CELF2: variants seen among roughly 807,000 people sequenced by gnomAD.
CELF2 encodes CUGBP Elav-like family member 2.
A neutral mutation model predicts 62.6 loss-of-function variants in CELF2; 8 were observed. That is an observed-to-expected ratio of 0.13 (90% CI 0.07 to 0.23). The LOEUF is 0.23. CELF2 is among the 10% of genes least tolerant of loss of function. The pLI, the probability that CELF2 is intolerant of heterozygous loss-of-function variation, is 1.00. For synonymous variants in CELF2, 258 were observed against 250.0 expected, an observed-to-expected ratio of 1.03 and a Z score of -0.30; for missense variants, 333 against 671.0, an observed-to-expected ratio of 0.50 and a Z score of 5.56.
At chr10:11,274,998 AATGAGGGAGTTACTTTG>A in intron 7 of CELF2, 42 bp from the exon 8 acceptor site, 1 of 1,493,998 alleles carries the variant, frequency 6.7e-7, no homozygotes, top group Non-Finnish European at 9.3e-7. Context: ...TCCCCAGTTT[AATGAGGGAGTTACTTTG>A]CTCTCACCGT....
At chr10:10,462,972 G>A in the CELF2 span, among the ~76,000 whole-genome samples, 107 of 152,080 alleles carry the variant, frequency 7.0e-4, 1 homozygote, top group African/African-American at 2.4e-3. Context: ...GTTTTAATAG[G>A]TACCTTGCAG....
chr10:10,973,809 C>A (rs1434929297), intron 2 of CELF2, among the ~76,000 whole-genome samples: 1 of 152,092 alleles, frequency 6.6e-6, no homozygotes, highest in Admixed American at 6.5e-5. Flanking sequence ...CCCCAACTAC[C>A]CTCCCCCTGC....
intron 10 of CELF2, chr10:11,317,722 GT>G (rs1457677064): frequency 6.6e-6 from 1 of 152,252 alleles, no homozygotes; most frequent in Non-Finnish European, 1.5e-5. Context: ...TCTGTGTCAT[GT>G]TAACAGATTC....
the CELF2 span, among the ~76,000 whole-genome samples, chr10:10,753,969 A>G: frequency 6.6e-6 from 1 of 151,788 alleles, no homozygotes; most frequent in South Asian, 2.1e-4. Context: ...CATTGATGCA[A>G]TTAGGTTCCT....
Position 11,164,679 on chromosome 10 carries a change from T to C in CELF2, c.75-807T>C, listed in dbSNP as rs1200706955. 1.2e-4 allele frequency among the ~76,000 whole-genome samples: 18 copies of C among 150,068 alleles called. 1 individual carries two copies. Among genetic ancestry groups the C allele is most frequent in the African/African-American group, 4.2e-4 (17 of 40,066 alleles). ...CTGGGGCTGCTTTTTTTTTTTTTTT[T>C]AACCCAGCACAAAGCAGGCAATTCT... On this transcript the variant is annotated intron_variant, in intron 1 of 12. Transcript: ENST00000633077.
the CELF2 span, among the ~76,000 whole-genome samples, chr10:10,720,385 A>G: frequency 6.6e-6 from 1 of 152,172 alleles, no homozygotes; most frequent in Non-Finnish European, 1.5e-5. Context: ...TCTCATTGCC[A>G]GCACCCCCTT....
the CELF2 span, among the ~76,000 whole-genome samples, chr10:10,671,696 A>G: frequency 6.6e-6 from 1 of 150,768 alleles, no homozygotes; most frequent in East Asian, 1.9e-4. Flanking sequence ...TGGTGTGGTG[A>G]ATCTTTTCAA....
chr10:10,555,358 G>C, the CELF2 span, among the ~76,000 whole-genome samples: 14 of 151,462 alleles, frequency 9.2e-5, no homozygotes, highest in Non-Finnish European at 1.6e-4. Flanking sequence ...TGTGATGGCT[G>C]TTCAGTCTCC....
At chr10:10,761,821 G>T in the CELF2 span, among the ~76,000 whole-genome samples, 2 of 152,062 alleles carry the variant, frequency 1.3e-5, no homozygotes, top group Admixed American at 6.6e-5. Flanking sequence ...TAAACCATGG[G>T]CTCCTGGGTC....
chr10:11,326,421 G>A (rs966831273), intron 12 of CELF2, among the ~76,000 whole-genome samples: 3 of 152,216 alleles, frequency 2.0e-5, no homozygotes, highest in Admixed American at 1.3e-4. Flanking sequence ...CCACGTGCCC[G>A]GGATGAGCAG....
chr10:10,483,984 C>T, the CELF2 span, among the ~76,000 whole-genome samples: 39,612 of 76,116 alleles, frequency 0.52, 11,366 homozygotes, highest in Admixed American at 0.59. Flanking sequence ...TCTGTCCCTC[C>T]CTCCCTCCCT....
chr10:10,609,456 G>A, the CELF2 span, among the ~76,000 whole-genome samples: 8 of 152,078 alleles, frequency 5.3e-5, no homozygotes, highest in African/African-American at 9.7e-5. Context: ...ACCACCGCGC[G>A]TGCACACACA....
At chr10:10,508,174 A>T in the CELF2 span, among the ~76,000 whole-genome samples, 1 of 152,174 alleles carries the variant, frequency 6.6e-6, no homozygotes, top group Non-Finnish European at 1.5e-5. Context: ...AATACAAAAA[A>T]AAAAAAAATA....
At chr10:10,503,092 A>C in the CELF2 span, among the ~76,000 whole-genome samples, 1 of 151,986 alleles carries the variant, frequency 6.6e-6, no homozygotes, top group South Asian at 2.1e-4. Flanking sequence ...TAGAGAACAC[A>C]TGACGCATGA....
chr10:10,856,567 T>C (rs2059722690), intron 1 of CELF2, among the ~76,000 whole-genome samples: 1 of 152,166 alleles, frequency 6.6e-6, no homozygotes, highest in South Asian at 2.1e-4. Flanking sequence ...AGAAATAATC[T>C]TCTCATTGCA....
At chr10:10,973,174 G>A (rs1420782906) in intron 2 of CELF2, among the ~76,000 whole-genome samples, 1 of 151,870 alleles carries the variant, frequency 6.6e-6, no homozygotes, top group Non-Finnish European at 1.5e-5. Flanking sequence ...CCTGCAGTCT[G>A]GGAGGCTGAG....
At chr10:10,737,132 G>A in the CELF2 span, among the ~76,000 whole-genome samples, 4 of 152,068 alleles carry the variant, frequency 2.6e-5, no homozygotes, top group African/African-American at 9.7e-5. Flanking sequence ...ATAAGTCTTG[G>A]CAATTTCTAC....
the CELF2 span, among the ~76,000 whole-genome samples, chr10:10,556,719 G>A: frequency 2.0e-5 from 3 of 152,096 alleles, no homozygotes; most frequent in South Asian, 6.3e-4. Flanking sequence ...TTTAATGATT[G>A]CCATTCTAAC....
chr10:10,623,448 G>A, the CELF2 span, among the ~76,000 whole-genome samples: 1 of 152,202 alleles, frequency 6.6e-6, no homozygotes, highest in East Asian at 1.9e-4. Flanking sequence ...TGGGAATTAT[G>A]TCATGCTGGC....
Sources: gnomAD v4.1 joint callset for allele counts (sites outside exome capture counted in the v4.1 genomes callset) on GRCh38, gnomAD v4.1.1 for gene constraint, MANE v1.5 for transcripts, NCBI Gene and HGNC (gene_info 2026-07-23, HGNC 2026-07-21) for gene names.